The following LMBR1 variants were observed in gnomAD, a reference collection of about 807,000 sequenced individuals.
LMBR1 encodes limb development membrane protein 1.
In LMBR1, 52 loss-of-function variants were observed where a neutral mutation model predicts 73.9. The ratio of observed to expected loss-of-function variants is 0.70; its 90% confidence interval spans 0.56 to 0.89. The LOEUF is 0.89. Ranked by LOEUF, LMBR1 falls within the 40% of genes least tolerant of loss-of-function variation. The pLI, the probability that LMBR1 is intolerant of heterozygous loss-of-function variation, is 0.00. For missense variants in LMBR1, 539 were observed against 579.8 expected (o/e 0.93, Z 0.72); for synonymous variants, 215 against 209.4 (o/e 1.03, Z -0.23).
intron 1 of LMBR1, among the ~76,000 whole-genome samples, chr7:156,887,335 C>T (rs969064843): frequency 2.6e-5 from 4 of 151,804 alleles, no homozygotes; most frequent in Admixed American, 2.0e-4. Flanking sequence ...TGGTGACGCT[C>T]GCCTGTAGTC....
At chr7:156,694,871 C>T (rs1585220582) in intron 15 of LMBR1, among the ~76,000 whole-genome samples, 1 of 151,822 alleles carries the variant, frequency 6.6e-6, no homozygotes, top group East Asian at 1.9e-4. Context: ...ATGAAATAAA[C>T]AAATTCCTTA....
In LMBR1 at chr7:156,810,070, A is replaced by T. The variant is rs1172590444; in HGVS notation, c.320-13578T>A. On this transcript the variant is annotated intron_variant, in intron 4 of 16. Transcript: ENST00000353442. The stretch of plus-strand genomic sequence containing the variant: ...AATACCTGAGGCTGGGTAATTTATT[A>T]AAAAAAAAAGAGAGAGATTTATTTG... 5.1e-5 allele frequency among the ~76,000 whole-genome samples: 7 copies of T among 137,566 alleles called. No homozygotes were observed. The South Asian group carries it at 8.6e-4, about 17-fold the overall frequency. The allele number at this position is 137,566 out of a possible 152,430, so 90.2% of individuals were successfully genotyped here.
intron 5 of LMBR1, among the ~76,000 whole-genome samples, chr7:156,776,111 T>C (rs1826090924): frequency 2.7e-5 from 4 of 148,712 alleles, no homozygotes; most frequent in South Asian, 4.2e-4. Flanking sequence ...ATATGTAAAT[T>C]ATATATATTT....
At chr7:156,762,802 TGTAA>T (rs1443284741) in intron 7 of LMBR1, among the ~76,000 whole-genome samples, 14 of 139,974 alleles carry the variant, frequency 1.0e-4, no homozygotes, top group Admixed American at 2.2e-4. Flanking sequence ...TGTCAGTGTA[TGTAA>T]GTATGACTGT....
chr7:156,797,929 A>G (rs1423552059), intron 4 of LMBR1, among the ~76,000 whole-genome samples: 1 of 151,972 alleles, frequency 6.6e-6, no homozygotes, highest in Non-Finnish European at 1.5e-5. Flanking sequence ...AAAATTTTTA[A>G]AAATTTTAAA....
chr7:156,861,927 G>A (rs963103884), intron 1 of LMBR1, among the ~76,000 whole-genome samples: 3 of 152,126 alleles, frequency 2.0e-5, no homozygotes, highest in Non-Finnish European at 4.4e-5. Context: ...AGTCTCTAGG[G>A]AGATCCAAAC....
intron 8 of LMBR1, among the ~76,000 whole-genome samples, chr7:156,757,600 G>A (rs927443611): frequency 6.6e-6 from 1 of 152,218 alleles, no homozygotes; most frequent in African/African-American, 2.4e-5. Context: ...TCTCAAAGAA[G>A]TCTAGAGCTG....
At chr7:156,833,929 G>T in intron 2 of LMBR1, 137 bp from the exon 3 acceptor site, 1 of 592,796 alleles carries the variant, frequency 1.7e-6, no homozygotes, top group Non-Finnish European at 2.9e-6. Context: ...CACTGTATTT[G>T]TTTCAGCATA....
rs191344020 is a variant in LMBR1 at position 156,757,870 on chromosome 7, T to C, written c.685-1405A>G. Among the ~76,000 whole-genome samples, 49 of 152,296 alleles carry C rather than the reference T, an allele frequency of 3.2e-4. 1 individual carries two copies. Among genetic ancestry groups the C allele is most frequent in the Non-Finnish European group, 5.4e-4 (37 of 68,026 alleles). On this transcript the variant is annotated intron_variant, in intron 8 of 16. Transcript: ENST00000353442. ...TTTACGGTCCCCTATGACCTAGCAC[T>C]GAACTCATCACTGGCACACATACCA...
chr7:156,835,980 G>A (rs149935201), intron 2 of LMBR1, among the ~76,000 whole-genome samples: 15 of 152,070 alleles, frequency 9.9e-5, no homozygotes, highest in Admixed American at 6.6e-4. Flanking sequence ...AAATAGCTAC[G>A]ATACTATTTT....
At chr7:156,799,475 G>A (rs373727963) in intron 4 of LMBR1, among the ~76,000 whole-genome samples, 1 of 152,222 alleles carries the variant, frequency 6.6e-6, no homozygotes, top group Admixed American at 6.5e-5. Context: ...GTTTGGGGGC[G>A]CTGCAAATTG....
intron 3 of LMBR1, among the ~76,000 whole-genome samples, chr7:156,832,075 T>G (rs1836796377): frequency 6.6e-6 from 1 of 152,210 alleles, no homozygotes; most frequent in African/African-American, 2.4e-5. Context: ...AGAATAAAAC[T>G]AAAACCCGTA....
At chr7:156,711,478 T>C (rs1434889419) in intron 15 of LMBR1, among the ~76,000 whole-genome samples, 3 of 152,120 alleles carry the variant, frequency 2.0e-5, no homozygotes, top group Admixed American at 6.5e-5. Flanking sequence ...ACCAATGTTA[T>C]TTTTCACGTA....
chr7:156,885,103 C>A (rs1408868703), intron 1 of LMBR1, among the ~76,000 whole-genome samples: 1 of 152,236 alleles, frequency 6.6e-6, no homozygotes, highest in African/African-American at 2.4e-5. Flanking sequence ...GTAATCCCAG[C>A]ACTTTGCGAG....
downstream of LMBR1, chr7:156,675,729 T>A (rs754974929): frequency 6.2e-7 from 1 of 1,600,994 alleles, no homozygotes; most frequent in African/African-American, 1.3e-5. Context: ...CCTGTGCTCA[T>A]ACAACACCAA....
intron 4 of LMBR1, among the ~76,000 whole-genome samples, chr7:156,799,660 A>G (rs1479578299): frequency 6.6e-6 from 1 of 152,224 alleles, no homozygotes; most frequent in Admixed American, 6.5e-5. Flanking sequence ...TGTTCAAATG[A>G]AAGGAAGACT....
chr7:156,747,701 A>G (rs1369449936), intron 9 of LMBR1, among the ~76,000 whole-genome samples: 5 of 152,196 alleles, frequency 3.3e-5, no homozygotes, highest in African/African-American at 1.2e-4. Context: ...AACCAAAAAA[A>G]AGTTTGATTA....
At chr7:156,768,700 A>C (rs1824611242) in intron 5 of LMBR1, among the ~76,000 whole-genome samples, 1 of 152,202 alleles carries the variant, frequency 6.6e-6, no homozygotes, top group Non-Finnish European at 1.5e-5. Flanking sequence ...AGCGCCAGGC[A>C]GGTTGAGCTC....
chr7:156,728,827 AT>A, intron 10 of LMBR1, 107 bp from the exon 11 acceptor site: 1 of 777,120 alleles, frequency 1.3e-6, no homozygotes, highest in South Asian at 2.1e-5. Context: ...AAAAACATAA[AT>A]TACTTTTAAT....
Sources: gnomAD v4.1 joint callset for allele counts (sites outside exome capture counted in the v4.1 genomes callset) on GRCh38, gnomAD v4.1.1 for gene constraint, MANE v1.5 for transcripts, NCBI Gene and HGNC (gene_info 2026-07-23, HGNC 2026-07-21) for gene names.